The following GRIPAP1 variants were observed in gnomAD, a reference collection of about 807,000 sequenced individuals.
GRIPAP1 encodes the protein GRIP1 associated protein 1, also known as GRIP1-associated protein 1.
In GRIPAP1, 14 loss-of-function variants were observed where a neutral mutation model predicts 84.1. The ratio of observed to expected loss-of-function variants is 0.17; its 90% confidence interval spans 0.11 to 0.26. The LOEUF is 0.26. GRIPAP1 is among the 10% of genes least tolerant of loss of function. The probability of loss-of-function intolerance (pLI) is 1.00; values close to 1 mark genes in which losing one functional copy is unlikely to be tolerated. For synonymous variants in GRIPAP1, 261 were observed against 256.8 expected, an observed-to-expected ratio of 1.02 and a Z score of -0.15; for missense variants, 518 against 674.2, an observed-to-expected ratio of 0.77 and a Z score of 2.57.
chrX:48,975,753 A>C (rs1229856492), intron 24 of GRIPAP1: 6 of 377,187 alleles, frequency 1.6e-5, no homozygotes, highest in South Asian at 1.5e-4. Flanking sequence ...GAGGAGAGGA[A>C]GATGAGGCAC....
chrX:48,981,282 C>A lies in GRIPAP1; in HGVS notation c.1863G>T (p.Glu621Asp). The A allele has an allele frequency of 8.3e-7, 1 of 1,211,148 alleles. No individual in the cohort carries two copies. The highest frequency in any genetic ancestry group is 1.1e-6 in the Non-Finnish European group (1 of 895,033). ...CCTGCAGCTTATCTGCCCGTTTCCG[C>A]TCCAAATGCAGCTGCCGCTTGAGGT... ...LKDLKRQLHL[E>D]RKRADKLQER... Residue 621 changes from glutamate to aspartate, a missense_variant, in exon 21 of 26, where the codon GAG becomes GAT. By Grantham distance (45) the Glu-to-Asp change is conservative. Around this residue, in one of 5 missense-constraint regions of GRIPAP1, gnomAD observed 18 missense variants for 44.8 expected, o/e 0.40. Transcript: ENST00000376423.
At chrX:48,976,159 A>C in intron 23 of GRIPAP1, 48 bp from the exon 24 acceptor site, 1 of 1,198,822 alleles carries the variant, frequency 8.3e-7, no homozygotes. Context: ...GTACATGTTC[A>C]CACATGAGGC....
chrX:48,988,058 G>C, intron 12 of GRIPAP1, 63 bp downstream of exon 12: 1 of 903,783 alleles, frequency 1.1e-6, no homozygotes, highest in Non-Finnish European at 1.6e-6. Context: ...TGACTATGTA[G>C]TACCCACTCA....
In GRIPAP1 at chrX:48,976,353, C is replaced by T; in HGVS notation, c.2072G>A (p.Ser691Asn). The change falls in exon 23 of 26, where the codon AGC becomes AAC. Residue 691 changes from serine (S) to asparagine (N), a missense_variant. By Grantham distance (46) the Ser-to-Asn change is conservative. Coordinates refer to ENST00000376423, the MANE Select transcript of GRIPAP1 (RefSeq NM_020137.5). ...SSAVPARSLS[S>N]SPQAQPPRPA... ...CCGAGGGGGCTGGGCTTGAGGGCTG[C>T]TGGATAAGGACTGCAGGAAAGAGAA... The T allele has an allele frequency of 8.3e-7, 1 of 1,200,283 alleles. No individual in the cohort carries two copies.
At chrX:48,998,304 G>A (rs2064558750) in intron 3 of GRIPAP1, 124 bp from the exon 4 acceptor site, 3 of 499,278 alleles carry the variant, frequency 6.0e-6, no homozygotes, top group Non-Finnish European at 1.1e-5. Context: ...CAGGATGGGA[G>A]CATCTTCAAC....
Position 48,991,081 on chromosome X carries a change from C to G in GRIPAP1, c.487G>C (p.Gly163Arg). The G allele has an allele frequency of 1.7e-6, 2 of 1,202,407 alleles. No homozygotes were observed. Among genetic ancestry groups the G allele is most frequent in the Non-Finnish European group, 2.3e-6 (2 of 886,639 alleles). ...ALQERYGKEA[G>R]KFSAVSEGQG... is the part of the protein sequence containing the mutation. ...CCCTCACTGACAGCTGAGAACTTCC[C>G]GGCTTCTTTCCCATAGCGTTCCTGC... Residue 163 changes from glycine to arginine, a missense_variant, in exon 7 of 26, where the codon GGG becomes CGG. Coordinates refer to ENST00000376423, the MANE Select transcript of GRIPAP1 (RefSeq NM_020137.5).
chrX:48,979,425 C>G (rs1244351716), intron 21 of GRIPAP1, among the ~76,000 whole-genome samples: 1 of 74,233 alleles, frequency 1.3e-5, no homozygotes, highest in Non-Finnish European at 2.4e-5. Flanking sequence ...TGCAGTGAGC[C>G]GAGATCGCGC....
chrX:48,985,533 C>T, intron 13 of GRIPAP1, 131 bp from the exon 14 acceptor site: 1 of 506,845 alleles, frequency 2.0e-6, no homozygotes, highest in East Asian at 3.5e-5. Flanking sequence ...GAGGAAATTT[C>T]AAACAGAAAA....
In GRIPAP1 at chrX:48,983,367, T is replaced by C; in HGVS notation, c.1346A>G (p.Glu449Gly). 1 of 1,210,486 alleles carries C rather than the reference T, an allele frequency of 8.3e-7. No individual in the cohort carries two copies. The highest frequency in any genetic ancestry group is 1.1e-6 in the Non-Finnish European group (1 of 894,076). ...ETLQEKSQHK[E>G]ELGAVRLRHE... The stretch of plus-strand genomic sequence containing the variant: ...CCGTAGACGAACTGCTCCCAGCTCT[T>C]CCTTGTGCTGGGACTTCTCTTGCAG... The change falls in exon 16 of 26, where the codon GAA becomes GGA. Residue 449 changes from glutamate to glycine, a missense_variant. Glu to Gly is a moderately conservative substitution (Grantham distance 98). Around this residue, in one of 5 missense-constraint regions of GRIPAP1, gnomAD observed 372 missense variants for 458.1 expected, o/e 0.81. Coordinates refer to ENST00000376423, the MANE Select transcript of GRIPAP1 (RefSeq NM_020137.5).
Position 48,978,319 on chromosome X carries a change from C to T in GRIPAP1, c.2047G>A (p.Ala683Thr). Residue 683 changes from alanine (A) to threonine (T), a missense_variant, in exon 22 of 26, where the codon GCT becomes ACT. By Grantham distance (58) the Ala-to-Thr change is moderately conservative. Coordinates refer to ENST00000376423, the MANE Select transcript of GRIPAP1 (RefSeq NM_020137.5). ...TTTCCCCTTACCCTGGCTGGAACAG[C>T]CGAGCTCTCCTTTTCCCGCAAGATC... is the stretch of plus-strand genomic sequence containing the variant. ...REILREKESS[A>T]VPARSLSSSP... 1 of 1,209,216 alleles carries T rather than the reference C, an allele frequency of 8.3e-7. No homozygotes were observed. The highest frequency in any genetic ancestry group is 2.2e-5 in the Admixed American group (1 of 45,821).
At chrX:48,997,222 C>G (rs1432248156) in intron 5 of GRIPAP1, 28 bp downstream of exon 5, 6 of 844,627 alleles carry the variant, frequency 7.1e-6, no homozygotes, top group Non-Finnish European at 6.9e-6. Context: ...CCCCTCATTT[C>G]CCCTTTGACT....
At chrX:48,983,174 C>T (rs1344682035) in intron 16 of GRIPAP1, 54 bp downstream of exon 16, 7 of 1,151,759 alleles carry the variant, frequency 6.1e-6, no homozygotes, top group East Asian at 3.0e-5. Flanking sequence ...CTATCAGCAA[C>T]GCTGTGGTTC....
intron 21 of GRIPAP1, among the ~76,000 whole-genome samples, chrX:48,980,545 C>T (rs1213994904): frequency 9.1e-6 from 1 of 110,199 alleles, no homozygotes; most frequent in African/African-American, 3.3e-5. Context: ...ACAGAAGAGA[C>T]GAAGAGGACA....
chrX:48,988,378 GAC>G, intron 11 of GRIPAP1, 180 bp from the exon 12 acceptor site: 2 of 440,743 alleles, frequency 4.5e-6, no homozygotes, highest in South Asian at 3.3e-5. Flanking sequence ...AGGGGCCTCA[GAC>G]ACAGTCAACC....
In GRIPAP1 at chrX:48,975,585, CA is replaced by C. The variant is rs1557060181; in HGVS notation, c.2279-277del. 6.0e-6 allele frequency: 2 copies of C among 333,946 alleles called. 1 individual carries two copies. The highest frequency in any genetic ancestry group is 5.3e-5 in the African/African-American group (2 of 37,646). 27.5% of individuals were successfully genotyped at this position (333,946 alleles called of 1,213,427 possible). A position where few individuals can be genotyped will look rare whatever the true frequency, so the allele number is the denominator to read the frequency against. On this transcript the variant is annotated intron_variant, in intron 24 of 25. Coordinates refer to ENST00000376423, the MANE Select transcript of GRIPAP1 (RefSeq NM_020137.5). ...CAGAAAGTCCTCAGCACATGTTGGTCAGTATGATTCTGATTAATAAAGAAAA... is the reference window on the plus strand; with the variant it reads ...CAGAAAGTCCTCAGCACATGTTGGTCGTATGATTCTGATTAATAAAGAAAA...
chrX:48,976,752 A>G (rs1490900434), intron 22 of GRIPAP1, among the ~76,000 whole-genome samples: 1 of 111,210 alleles, frequency 9.0e-6, no homozygotes, highest in Non-Finnish European at 1.9e-5. Flanking sequence ...CTCAGGAAAA[A>G]AGGGACCGCA....
At chrX:48,984,792 G>A (rs1241165356) in intron 14 of GRIPAP1, among the ~76,000 whole-genome samples, 1 of 106,882 alleles carries the variant, frequency 9.4e-6, no homozygotes, top group Non-Finnish European at 1.9e-5. Context: ...GGAGGCCGAG[G>A]CGGGCAGATC....
rs1557059773 is a variant in GRIPAP1, at chrX:48,974,241, C to T, written c.2478G>A (p.Glu826=). Residue 826 remains glutamate, a synonymous_variant, in exon 26 of 26, where the codon GAG becomes GAA. Coordinates refer to ENST00000376423, the MANE Select transcript of GRIPAP1 (RefSeq NM_020137.5). ...LSQEIVRLSK[E]CVGPPDPDLE... ...GGTCTGGGTCAGGAGGCCCCACGCA[C>T]TCCTTGCTGAGCCGCACAATTTCCT... 1.7e-6 allele frequency: 2 copies of T among 1,209,081 alleles called. No homozygotes were observed. Among genetic ancestry groups the T allele is most frequent in the Admixed American group, 2.2e-5 (1 of 46,036 alleles).
Position 49,002,245 on chromosome X carries a change from C to G in GRIPAP1, c.-16G>C, listed in dbSNP as rs1425260980. The G allele has an allele frequency of 9.1e-7, 1 of 1,094,595 alleles. No individual in the cohort carries two copies. Among genetic ancestry groups the G allele is most frequent in the Non-Finnish European group, 1.3e-6 (1 of 799,652 alleles). The allele number at this position is 1,094,595 out of a possible 1,213,427, so 90.2% of individuals were successfully genotyped here. A position where few individuals can be genotyped will look rare whatever the true frequency, so the allele number is the denominator to read the frequency against. Reference sequence around the variant, plus strand: ...CTTGCGCCATGTTCCTCCCCCCACCCCCCCGCCAGCTTTCTGCGCAGACGC... The same window carrying G: ...CTTGCGCCATGTTCCTCCCCCCACCGCCCCGCCAGCTTTCTGCGCAGACGC... On this transcript the variant is annotated 5_prime_UTR_variant, in exon 1 of 26. Coordinates refer to ENST00000376423, the MANE Select transcript of GRIPAP1 (RefSeq NM_020137.5).
Sources: gnomAD v4.1 joint callset for allele counts (sites outside exome capture counted in the v4.1 genomes callset) on GRCh38, gnomAD v4.1.1 for gene constraint, gnomAD v4.1.1 regional missense constraint, MANE v1.5 for transcripts, NCBI Gene and HGNC (gene_info 2026-07-23, HGNC 2026-07-21) for gene names.